Variants in DOP1B observed in about 807,000 individuals in gnomAD.
The protein encoded by DOP1B is protein DOP1B.
Under a neutral mutation model 233.5 loss-of-function variants are expected in DOP1B, and 174 were observed. That is an observed-to-expected ratio of 0.75 (90% CI 0.66 to 0.85). DOP1B has a LOEUF of 0.85. Among genes scored for constraint, DOP1B ranks in the 40% least tolerant of loss-of-function variants. The pLI, the probability that DOP1B is intolerant of heterozygous loss-of-function variation, is 0.00. For synonymous variants in DOP1B, 1,190 were observed against 1,185.6 expected, an observed-to-expected ratio of 1.00 and a Z score of -0.08; for missense variants, 2,652 against 2,846.6, an observed-to-expected ratio of 0.93 and a Z score of 1.56.
At chr21:36,163,434 T>G (rs987808106) in intron 1 of DOP1B, among the ~76,000 whole-genome samples, 3 of 151,950 alleles carry the variant, frequency 2.0e-5, no homozygotes, top group African/African-American at 7.3e-5. Context: ...AGTATGAGAT[T>G]TCATGAAATT....
At chr21:36,258,870 C>G (rs1326134364) in intron 23 of DOP1B, among the ~76,000 whole-genome samples, 1 of 151,906 alleles carries the variant, frequency 6.6e-6, no homozygotes, top group African/African-American at 2.4e-5. Context: ...CTTAAGGCTT[C>G]GAATGTAAAA....
intron 18 of DOP1B, among the ~76,000 whole-genome samples, chr21:36,243,618 T>C (rs530218329): frequency 6.6e-6 from 1 of 152,114 alleles, no homozygotes; most frequent in East Asian, 1.9e-4. Flanking sequence ...GTATTATACA[T>C]ACTCTCTCCT....
At chr21:36,196,929 A>G (rs1185833223) in intron 2 of DOP1B, among the ~76,000 whole-genome samples, 3 of 150,200 alleles carry the variant, frequency 2.0e-5, no homozygotes, top group Non-Finnish European at 4.4e-5. Context: ...GATGACCACT[A>G]GTTATATCTG....
At position 36,232,840 on chromosome 21, in the gene DOP1B, C is replaced by G; in HGVS notation, c.2387C>G (p.Ser796Cys). The stretch of plus-strand genomic sequence containing the variant: ...TCCAGTTTTCCATCTTGGCTGAAGT[C>G]CCTCATGACTATTTGCTGCTGTGTG... ...GDSSFPSWLK[S>C]LMTICCCVTD... Residue 796 changes from serine to cysteine, a missense_variant, in exon 15 of 37, where the codon TCC (serine) becomes TGC (cysteine). Coordinates refer to ENST00000691173, the MANE Select transcript of DOP1B (RefSeq NM_001320714.2). 1 of 1,613,286 alleles carries G rather than the reference C, an allele frequency of 6.2e-7. No individual in the cohort carries two copies. The highest frequency in any genetic ancestry group is 8.5e-7 in the Non-Finnish European group (1 of 1,179,920).
At chr21:36,185,587 G>A (rs368249781) in intron 2 of DOP1B, among the ~76,000 whole-genome samples, 35 of 152,242 alleles carry the variant, frequency 2.3e-4, no homozygotes, top group East Asian at 2.1e-3. Context: ...ATTTCAGGTC[G>A]GCCAGCGCCT....
chr21:36,220,159 C>T (rs1021299344), intron 10 of DOP1B, among the ~76,000 whole-genome samples: 1 of 152,100 alleles, frequency 6.6e-6, no homozygotes, highest in African/African-American at 2.4e-5. Flanking sequence ...CCTGAACTAG[C>T]ATTGGGTACA....
At position 36,293,478 on chromosome 21, in the gene DOP1B, A is replaced by G. The variant is rs1468796240; in HGVS notation, c.6804A>G (p.Pro2268=). The G allele has an allele frequency of 1.9e-6, 3 of 1,614,150 alleles. No homozygotes were observed. Among genetic ancestry groups the G allele is most frequent in the South Asian group, 1.1e-5 (1 of 91,088 alleles). Reference sequence around the variant, plus strand: ...TGCCTGCTGATAGCCCAGGAACTCCATTCTTGGACTTTCCTGTCACAGATA... The same window carrying G: ...TGCCTGCTGATAGCCCAGGAACTCCGTTCTTGGACTTTCCTGTCACAGATA... ...RQLPADSPGT[P]FLDFPVTDSP... Residue 2268 remains proline, a synonymous_variant, in exon 37 of 37, where the codon CCA becomes CCG. Transcript: ENST00000691173.
chr21:36,164,440 A>G (rs1030596338), intron 1 of DOP1B: 2 of 207,396 alleles, frequency 9.6e-6, no homozygotes, highest in African/African-American at 4.6e-5. Flanking sequence ...CCTGGAATTA[A>G]TTTTGTCAGT....
chr21:36,165,411 T>TAC (rs1468131468), intron 2 of DOP1B, among the ~76,000 whole-genome samples: 1 of 152,058 alleles, frequency 6.6e-6, no homozygotes, highest in Non-Finnish European at 1.5e-5. Context: ...TGTGTGTGCA[T>TAC]GTGTGTGCAT....
rs111418327 is a variant in DOP1B at position 36,177,756 on chromosome 21, C to T, written c.138+12885C>T. Among the ~76,000 whole-genome samples the T allele has an allele frequency of 3.6e-4, 55 of 152,320 alleles. No individual in the cohort carries two copies. The Middle Eastern group carries it at 0.01, about 28-fold the overall frequency. On this transcript the variant is annotated intron_variant, in intron 2 of 36. Transcript: ENST00000691173. ...TGCCATGTGATATCCCACACCACTT[C>T]GGGACTCTGCAGAGAGTCTCCACCA...
intron 14 of DOP1B, among the ~76,000 whole-genome samples, chr21:36,232,433 G>T (rs760419220): frequency 2.0e-5 from 3 of 152,064 alleles, no homozygotes; most frequent in Non-Finnish European, 4.4e-5. Context: ...ATACTTTTTG[G>T]CCTCTTCAGC....
chr21:36,260,444 G>T (rs572281962), intron 23 of DOP1B, among the ~76,000 whole-genome samples: 1 of 152,246 alleles, frequency 6.6e-6, no homozygotes, highest in African/African-American at 2.4e-5. Flanking sequence ...AGGTGCACAG[G>T]GTGGGAGATC....
chr21:36,197,087 C>T (rs1190704483), intron 2 of DOP1B, among the ~76,000 whole-genome samples: 1 of 152,028 alleles, frequency 6.6e-6, no homozygotes, highest in African/African-American at 2.4e-5. Context: ...CACGCGCCAC[C>T]ATGCCCGGCT....
intron 2 of DOP1B, among the ~76,000 whole-genome samples, chr21:36,193,242 G>C (rs1451161004): frequency 6.6e-6 from 1 of 152,180 alleles, no homozygotes; most frequent in Admixed American, 6.5e-5. Flanking sequence ...CATGGCATGA[G>C]AGCCTTCAGA....
intron 1 of DOP1B, among the ~76,000 whole-genome samples, chr21:36,158,438 T>G (rs889156501): frequency 6.6e-6 from 1 of 152,170 alleles, no homozygotes; most frequent in Non-Finnish European, 1.5e-5. Context: ...TGGGCAATTT[T>G]CCGAATGGCC....
chr21:36,217,846 A>G (rs1028622770), intron 9 of DOP1B, among the ~76,000 whole-genome samples: 5 of 152,200 alleles, frequency 3.3e-5, no homozygotes, highest in Non-Finnish European at 5.9e-5. Context: ...AACTTCAGGG[A>G]AGTATTAAAA....
intron 2 of DOP1B, among the ~76,000 whole-genome samples, chr21:36,177,596 T>C (rs1022578584): frequency 3.1e-4 from 47 of 152,158 alleles, no homozygotes; most frequent in African/African-American, 1.1e-3. Context: ...GACCAGACCA[T>C]GAGGGCTCTG....
At chr21:36,290,436 G>A (rs2067542548) in intron 35 of DOP1B, among the ~76,000 whole-genome samples, 1 of 152,162 alleles carries the variant, frequency 6.6e-6, no homozygotes, top group African/African-American at 2.4e-5. Flanking sequence ...CAAGGTGGGT[G>A]GATCACTTGA....
At position 36,281,932 on chromosome 21, in the gene DOP1B, C is replaced by G. The variant is rs757321193; in HGVS notation, c.6160+321C>G. Among the ~76,000 whole-genome samples, 8 of 152,136 alleles carry G rather than the reference C, an allele frequency of 5.3e-5. No individual in the cohort carries two copies. The South Asian group carries it at 1.0e-3, about 20-fold the overall frequency. ...ATTTGAGCATGCATTTTGGACAGGA[C>G]AAACATTCAAACCACAGCAACAGCT... is the stretch of plus-strand genomic sequence containing the variant. On this transcript the variant is annotated intron_variant, in intron 32 of 36. Coordinates refer to ENST00000691173, the MANE Select transcript of DOP1B (RefSeq NM_001320714.2).
Sources: allele counts gnomAD v4.1 joint callset (sites outside exome capture counted in the v4.1 genomes callset), GRCh38; gene constraint gnomAD v4.1.1; transcripts MANE v1.5; gene names NCBI Gene and HGNC (gene_info 2026-07-23, HGNC 2026-07-21).